The following VTI1A variants were observed in gnomAD, a reference collection of about 807,000 sequenced individuals.
The protein encoded by VTI1A is vesicle transport through interaction with t-SNAREs 1A, also known as vesicle transport through interaction with t-SNAREs homolog 1A.
VTI1A carries 22 observed loss-of-function variants against 34.9 expected under a neutral mutation model. The ratio of observed to expected loss-of-function variants is 0.63; its 90% CI spans 0.45 to 0.90. VTI1A has a LOEUF of 0.90. Ranked by LOEUF, VTI1A falls within the 40% of genes least tolerant of loss-of-function variation. VTI1A has a pLI of 0.00. For synonymous variants in VTI1A, 87 were observed against 97.3 expected (o/e 0.89, Z 0.62); for missense variants, 268 against 275.6 (o/e 0.97, Z 0.20).
At chr10:112,736,105 G>GTA (rs1296849590) in intron 7 of VTI1A, among the ~76,000 whole-genome samples, 43 of 90,268 alleles carry the variant, frequency 4.8e-4, no homozygotes, top group African/African-American at 2.7e-3. Flanking sequence ...ATATATATGT[G>GTA]TGTGTGTATA....
At position 112,447,316 on chromosome 10, in the gene VTI1A, C is replaced by T. The variant is rs1436130466; in HGVS notation, c.-58C>T. On this transcript the variant is annotated 5_prime_UTR_variant, in exon 1 of 8. Transcript: ENST00000393077. ...CTAAGCCGCGGGGCCCCTCGCTGCCCCTCGAGGCCCTTTCCCTGACCTAGG... is the reference window on the plus strand; with the variant it reads ...CTAAGCCGCGGGGCCCCTCGCTGCCTCTCGAGGCCCTTTCCCTGACCTAGG... 4.5e-6 allele frequency: 7 copies of T among 1,563,700 alleles called. No individual in the cohort carries two copies. Among genetic ancestry groups the T allele is most frequent in the African/African-American group, 1.4e-5 (1 of 73,730 alleles).
At chr10:112,677,346 A>G (rs1418122290) in intron 7 of VTI1A, among the ~76,000 whole-genome samples, 3 of 152,204 alleles carry the variant, frequency 2.0e-5, no homozygotes, top group African/African-American at 7.2e-5. Flanking sequence ...GAAATGATGC[A>G]TCTTGTCCTG....
At chr10:112,533,581 T>TA in intron 4 of VTI1A, 1 of 999,744 alleles carries the variant, frequency 1.0e-6, no homozygotes, top group East Asian at 7.1e-5. Flanking sequence ...TTTTTTTTTT[T>TA]AATTCTGCTT....
intron 5 of VTI1A, among the ~76,000 whole-genome samples, chr10:112,656,521 ATTTT>A (rs768159688): frequency 6.8e-5 from 7 of 103,210 alleles, no homozygotes; most frequent in African/African-American, 2.2e-4. Flanking sequence ...CACCCAGATA[ATTTT>A]TTTTTTTTTT....
intron 5 of VTI1A, among the ~76,000 whole-genome samples, chr10:112,660,049 C>T (rs908282070): frequency 6.6e-5 from 10 of 152,246 alleles, no homozygotes; most frequent in East Asian, 1.9e-4. Flanking sequence ...TATTTGGCCC[C>T]GTGCTCTAGT....
chr10:112,794,356 G>C (rs1852597613), intron 7 of VTI1A, among the ~76,000 whole-genome samples: 1 of 152,084 alleles, frequency 6.6e-6, no homozygotes, highest in Non-Finnish European at 1.5e-5. Flanking sequence ...AGGAGTTCGA[G>C]ACCGGCCTGG....
intron 7 of VTI1A, among the ~76,000 whole-genome samples, chr10:112,711,330 T>G (rs1263357194): frequency 6.6e-6 from 1 of 152,240 alleles, no homozygotes; most frequent in East Asian, 1.9e-4. Context: ...ATGGCTTTGC[T>G]TACTCTGAGA....
intron 5 of VTI1A, among the ~76,000 whole-genome samples, chr10:112,545,248 A>G (rs1007130854): frequency 6.6e-6 from 1 of 152,248 alleles, no homozygotes; most frequent in Non-Finnish European, 1.5e-5. Flanking sequence ...TTGTAAGGCT[A>G]TCCCCAAAAC....
At position 112,496,918 on chromosome 10, in the gene VTI1A, T is replaced by C. The variant is rs138243279; in HGVS notation, c.265-30169T>C. On this transcript the variant is annotated intron_variant, in intron 3 of 7. Transcript: ENST00000393077. ...TGTTTAAAGTAAGTTGCCTTAAAAATAAAAAATAAACAAGCTAGCTATTCT... is the reference window on the plus strand; with the variant it reads ...TGTTTAAAGTAAGTTGCCTTAAAAACAAAAAATAAACAAGCTAGCTATTCT... Among the ~76,000 whole-genome samples, 254 of 152,198 alleles carry C rather than the reference T, an allele frequency of 1.7e-3. 1 individual carries two copies. Among genetic ancestry groups the C allele is most frequent in the African/African-American group, 5.7e-3 (238 of 41,526 alleles).
chr10:112,614,331 C>T (rs972218615), intron 5 of VTI1A, among the ~76,000 whole-genome samples: 3 of 152,072 alleles, frequency 2.0e-5, no homozygotes, highest in African/African-American at 4.8e-5. Flanking sequence ...CCTAAGGTGG[C>T]GCTTTTATTT....
chr10:112,724,459 T>C (rs1564900124), intron 7 of VTI1A, among the ~76,000 whole-genome samples: 3 of 152,080 alleles, frequency 2.0e-5, no homozygotes, highest in African/African-American at 4.8e-5. Flanking sequence ...TGGGATCCTT[T>C]TGCTTGCCTC....
chr10:112,628,030 G>A (rs963006142), intron 5 of VTI1A, among the ~76,000 whole-genome samples: 16 of 152,202 alleles, frequency 1.1e-4, no homozygotes, highest in East Asian at 1.9e-4. Flanking sequence ...TCTAGACTAC[G>A]TATGCAAAAC....
chr10:112,736,696 A>G (rs1461067326), intron 7 of VTI1A: 66 of 1,551,692 alleles, frequency 4.3e-5, no homozygotes, highest in Non-Finnish European at 5.7e-5. Flanking sequence ...GAAATGCTAC[A>G]TAAGGATTTC....
intron 7 of VTI1A, among the ~76,000 whole-genome samples, chr10:112,739,039 G>A (rs186981492): frequency 2.6e-5 from 4 of 152,266 alleles, no homozygotes; most frequent in Non-Finnish European, 5.9e-5. Context: ...AGACAAGGCA[G>A]GTGGAATGTT....
chr10:112,806,910 T>C (rs1235830989), intron 7 of VTI1A, among the ~76,000 whole-genome samples: 1 of 152,190 alleles, frequency 6.6e-6, no homozygotes, highest in African/African-American at 2.4e-5. Context: ...AAATGGCCTA[T>C]TCCAGAGGCA....
intron 7 of VTI1A, among the ~76,000 whole-genome samples, chr10:112,781,718 ATAGGTGCACACTC>A (rs1438676850): frequency 7.7e-4 from 10 of 13,016 alleles, no homozygotes; most frequent in Non-Finnish European, 1.3e-3. Flanking sequence ...GTGCACACTC[ATAGGTGCACACTC>A]ATAGTCCCAG....
chr10:112,627,045 A>G (rs1845947625), intron 5 of VTI1A, among the ~76,000 whole-genome samples: 1 of 152,244 alleles, frequency 6.6e-6, no homozygotes, highest in Non-Finnish European at 1.5e-5. Context: ...CTGGCAGATA[A>G]TTGATCCTCA....
At chr10:112,478,953 G>T (rs957896427) in intron 3 of VTI1A, among the ~76,000 whole-genome samples, 1 of 152,114 alleles carries the variant, frequency 6.6e-6, no homozygotes, top group Non-Finnish European at 1.5e-5. Flanking sequence ...CGGATCACAA[G>T]GTCAAGAGAT....
intron 7 of VTI1A, among the ~76,000 whole-genome samples, chr10:112,704,916 C>T (rs1334811395): frequency 6.6e-6 from 1 of 152,086 alleles, no homozygotes; most frequent in Non-Finnish European, 1.5e-5. Flanking sequence ...GAGGCAGGGT[C>T]TCGCTCTGTC....
Sources: allele counts gnomAD v4.1 joint callset (sites outside exome capture counted in the v4.1 genomes callset), GRCh38; gene constraint gnomAD v4.1.1; transcripts MANE v1.5; gene names NCBI Gene and HGNC (gene_info 2026-07-23, HGNC 2026-07-21).